SLC38A9: variants seen among roughly 807,000 people sequenced by gnomAD.
SLC38A9 encodes solute carrier family 38 member 9.
Under a neutral mutation model 62.3 loss-of-function variants are expected in SLC38A9, and 48 were observed. That is an observed-to-expected ratio of 0.77 (90% CI 0.61 to 0.98). The LOEUF is 0.98. SLC38A9 is among the 50% of genes least tolerant of loss of function. The probability of loss-of-function intolerance (pLI) is 0.00; values close to 1 mark genes in which losing one functional copy is unlikely to be tolerated. For synonymous variants in SLC38A9, 204 were observed against 227.7 expected (o/e 0.90, Z 0.94); for missense variants, 541 against 679.8 (o/e 0.80, Z 2.27).
At position 55,691,285 on chromosome 5, in the gene SLC38A9, A is replaced by T. The variant is rs911979561; in HGVS notation, c.113+6561T>A. 5.4e-6 allele frequency: 8 copies of T among 1,486,520 alleles called. No homozygotes were observed. The Admixed American group carries it at 9.9e-5, about 18-fold the overall frequency. The allele number at this position is 1,486,520 out of a possible 1,614,324, so 92.1% of individuals were successfully genotyped here. ...TTTCCATTATAATACCAAGCTGACAACAGAGCCCTGGAGGGAATAGGACAG... is the reference window on the plus strand; with the variant it reads ...TTTCCATTATAATACCAAGCTGACATCAGAGCCCTGGAGGGAATAGGACAG... On this transcript the variant is annotated intron_variant, in intron 3 of 15. Transcript: ENST00000396865.
intron 12 of SLC38A9, among the ~76,000 whole-genome samples, chr5:55,641,994 G>C (rs1390018828): frequency 6.6e-6 from 1 of 152,230 alleles, no homozygotes; most frequent in Non-Finnish European, 1.5e-5. Flanking sequence ...CATGCAACAT[G>C]AGAACTGCCT....
intron 14 of SLC38A9, among the ~76,000 whole-genome samples, chr5:55,630,214 A>ATATTAT (rs140314707): frequency 0.049 from 7,423 of 152,280 alleles, 307 homozygotes; most frequent in African/African-American, 0.11. Context: ...CGAAAACAGG[A>ATATTAT]TATTATAACA....
At chr5:55,682,960 C>A (rs1009505972) in intron 3 of SLC38A9, among the ~76,000 whole-genome samples, 74 of 143,276 alleles carry the variant, frequency 5.2e-4, no homozygotes, top group Non-Finnish European at 3.8e-4. Context: ...GGAAGGAAGG[C>A]AGGCAGGCAG....
rs556236543 is a variant in SLC38A9, at chr5:55,705,833, G to A, written c.-35+5619C>T. Among the ~76,000 whole-genome samples the A allele has an allele frequency of 3.3e-5, 5 of 151,862 alleles. No homozygotes were observed. In the South Asian group the frequency reaches 1.0e-3, roughly 32 times the overall value. Reference sequence around the variant, plus strand: ...AGCAATTCTCCTGCCTCAGCCTCCCGAGTAGCTGGGACTACAGGTGCCTGC... The same window carrying A: ...AGCAATTCTCCTGCCTCAGCCTCCCAAGTAGCTGGGACTACAGGTGCCTGC... On this transcript the variant is annotated intron_variant, in intron 2 of 15. Transcript: ENST00000396865.
intron 2 of SLC38A9, among the ~76,000 whole-genome samples, chr5:55,710,489 G>A (rs1182694586): frequency 6.6e-6 from 1 of 152,170 alleles, no homozygotes; most frequent in Non-Finnish European, 1.5e-5. Flanking sequence ...GATTACAGGC[G>A]TTAGCCACCG....
chr5:55,672,493 G>A (rs977051671), intron 4 of SLC38A9, 70 bp downstream of exon 4: 4 of 1,538,080 alleles, frequency 2.6e-6, no homozygotes, highest in Non-Finnish European at 3.5e-6. Context: ...ACTGGGAGGT[G>A]CCCTGGCTTA....
Position 55,645,902 on chromosome 5 carries a change from G to A in SLC38A9, c.1061-7C>T. 1 of 1,559,452 alleles carries A rather than the reference G, an allele frequency of 6.4e-7. No individual in the cohort carries two copies. The highest frequency in any genetic ancestry group is 2.3e-5 in the East Asian group (1 of 44,010). The stretch of plus-strand genomic sequence containing the variant: ...GGAAACTGAAATCTTATCTCTAGGA[G>A]AAAAATAAAAACAAGAACATTAAAA... On this transcript the variant is annotated splice_region_variant and splice_polypyrimidine_tract_variant and intron_variant, in intron 11 of 15. Transcript: ENST00000396865.
In SLC38A9 at chr5:55,633,776, T is replaced by A. The variant is rs772095438; in HGVS notation, c.1408A>T (p.Ile470Phe). ...TACCTAGGATAAATGTCACCGAAGA[T>A]ATGGCCCAAAAGCTGGACACGAGCC... ...YLARVQLLGHIFGDIYPSIFH... is the reference protein window; with the variant it reads ...YLARVQLLGHFFGDIYPSIFH... Residue 470 changes from isoleucine to phenylalanine, a missense_variant, in exon 14 of 16, where the codon ATC becomes TTC. Physicochemically the swap from Ile to Phe is conservative, Grantham distance 21. Coordinates refer to ENST00000396865, the MANE Select transcript of SLC38A9 (RefSeq NM_173514.4). 1.2e-6 allele frequency: 2 copies of A among 1,613,998 alleles called. No homozygotes were observed. The highest frequency in any genetic ancestry group is 2.7e-5 in the African/African-American group (2 of 74,882).
intron 3 of SLC38A9, among the ~76,000 whole-genome samples, chr5:55,681,839 A>G (rs1313093037): frequency 6.6e-6 from 1 of 152,136 alleles, no homozygotes; most frequent in African/African-American, 2.4e-5. Context: ...TGTTTTCATA[A>G]ATGTCCTGTT....
At chr5:55,701,241 T>C (rs1403627806) in intron 2 of SLC38A9, among the ~76,000 whole-genome samples, 1 of 152,242 alleles carries the variant, frequency 6.6e-6, no homozygotes, top group Admixed American at 6.5e-5. Context: ...AACTTCTTTT[T>C]TGAATTTCAG....
chr5:55,633,782 C>T lies in SLC38A9; in HGVS notation c.1402G>A (p.Gly468Ser), dbSNP rs761335670. The change falls in exon 14 of 16, where the codon GGC (glycine) becomes AGC (serine). Residue 468 changes from glycine to serine, a missense_variant. Physicochemically the swap from Gly to Ser is moderately conservative, Grantham distance 56 (BLOSUM62 0). Coordinates refer to ENST00000396865, the MANE Select transcript of SLC38A9 (RefSeq NM_173514.4). ...GGATAAATGTCACCGAAGATATGGC[C>T]CAAAAGCTGGACACGAGCCAGGTAG... ...LGYLARVQLL[G>S]HIFGDIYPSI... 79 of 1,614,042 alleles carry T rather than the reference C, an allele frequency of 4.9e-5. 2 individuals carry two copies. The South Asian group carries it at 5.3e-4, about 11-fold the overall frequency.
intron 2 of SLC38A9, among the ~76,000 whole-genome samples, chr5:55,709,118 G>A (rs1411807949): frequency 1.3e-5 from 2 of 152,162 alleles, no homozygotes; most frequent in Non-Finnish European, 2.9e-5. Flanking sequence ...CTATTCTGAT[G>A]TGACAGTTGG....
chr5:55,649,776 T>G (rs1410103564), intron 10 of SLC38A9, among the ~76,000 whole-genome samples: 1 of 151,844 alleles, frequency 6.6e-6, no homozygotes, highest in Admixed American at 6.6e-5. Context: ...GAGCCAAGAT[T>G]GCACCACTGC....
intron 8 of SLC38A9, among the ~76,000 whole-genome samples, chr5:55,660,535 G>A (rs562022963): frequency 6.6e-6 from 1 of 152,280 alleles, no homozygotes; most frequent in South Asian, 2.1e-4. Flanking sequence ...CTTGAAGGAG[G>A]TGTATAGATG....
chr5:55,638,062 C>T (rs1388281163), intron 12 of SLC38A9, among the ~76,000 whole-genome samples: 3 of 152,098 alleles, frequency 2.0e-5, no homozygotes, highest in Non-Finnish European at 2.9e-5. Flanking sequence ...TTTTGAGATA[C>T]TAAAATCAGA....
At position 55,694,523 on chromosome 5, in the gene SLC38A9, T is replaced by C. The variant is rs1022809741; in HGVS notation, c.113+3323A>G. Among the ~76,000 whole-genome samples, 3 of 152,212 alleles carry C rather than the reference T, an allele frequency of 2.0e-5. No individual in the cohort carries two copies. In the Middle Eastern group the frequency reaches 0.01, roughly 518 times the overall value. ...GTGTGTGGTGGGGGAAACAACTATTTTGATGACTCTACATCAAAAAATAAT... is the reference window on the plus strand; with the variant it reads ...GTGTGTGGTGGGGGAAACAACTATTCTGATGACTCTACATCAAAAAATAAT... On this transcript the variant is annotated intron_variant, in intron 3 of 15. Coordinates refer to ENST00000396865, the MANE Select transcript of SLC38A9 (RefSeq NM_173514.4).
intron 11 of SLC38A9, among the ~76,000 whole-genome samples, chr5:55,648,995 G>A (rs1398396250): frequency 6.6e-6 from 1 of 152,044 alleles, no homozygotes; most frequent in Non-Finnish European, 1.5e-5. Flanking sequence ...TAACTTAAAT[G>A]AATTTCAACT....
intron 12 of SLC38A9, among the ~76,000 whole-genome samples, chr5:55,643,607 A>G (rs1745792214): frequency 1.3e-5 from 2 of 152,198 alleles, no homozygotes; most frequent in South Asian, 2.1e-4. Context: ...TGTTCTATCA[A>G]TTACTTGAAG....
At chr5:55,678,146 T>TTTTTG (rs1752455435) in intron 3 of SLC38A9, among the ~76,000 whole-genome samples, 1 of 147,054 alleles carries the variant, frequency 6.8e-6, no homozygotes. Flanking sequence ...TGGTTTTTTT[T>TTTTTG]TCTTTTTTTG....
Sources: gnomAD v4.1 joint callset for allele counts (sites outside exome capture counted in the v4.1 genomes callset) on GRCh38, gnomAD v4.1.1 for gene constraint, MANE v1.5 for transcripts, NCBI Gene and HGNC (gene_info 2026-07-23, HGNC 2026-07-21) for gene names.